Variants in VTCN1 observed in about 807,000 individuals in gnomAD.
VTCN1 encodes V-set domain containing T cell activation inhibitor 1, also known as V-set domain-containing T-cell activation inhibitor 1.
A neutral mutation model predicts 26.5 loss-of-function variants in VTCN1; 26 were observed. The observed-to-expected ratio is 0.98, with a 90% CI of 0.72 to 1.36. VTCN1 has a LOEUF of 1.36. Ranked by LOEUF, VTCN1 falls within the 40% of genes most tolerant of loss-of-function variation. VTCN1 has a pLI of 0.00. For synonymous variants in VTCN1, 116 were observed against 130.7 expected (o/e 0.89, Z 0.77); for missense variants, 298 against 337.7 (o/e 0.88, Z 0.92).
At position 117,144,821 on chromosome 1, in the gene VTCN1, TATAAGATGTGG is replaced by T. The variant is rs1003005229; in HGVS notation, c.*439_*449del. The T allele has an allele frequency of 9.8e-5, 15 of 152,620 alleles. No individual in the cohort carries two copies. Among genetic ancestry groups the T allele is most frequent in the African/African-American group, 3.6e-4 (15 of 41,436 alleles). The allele number at this position is 152,620 out of a possible 1,614,324, so 9.5% of individuals were successfully genotyped here. A position where few individuals can be genotyped will look rare whatever the true frequency, so the allele number is the denominator to read the frequency against. ...ACATACTACAGCTTAATTTGTGGAA[TATAAGATGTGG>T]ATATGTTGGGATAGACTTTCCAGGG... On this transcript the variant is annotated 3_prime_UTR_variant, in exon 6 of 6. Transcript: ENST00000369458.
chr1:117,180,166 A>AG (rs961414953), intron 1 of VTCN1, among the ~76,000 whole-genome samples: 23 of 152,270 alleles, frequency 1.5e-4, no homozygotes, highest in African/African-American at 5.1e-4. Flanking sequence ...GGAAAACTGG[A>AG]GGGGGCATGA....
chr1:117,189,463 C>T (rs1346987632), intron 1 of VTCN1, among the ~76,000 whole-genome samples: 1 of 152,068 alleles, frequency 6.6e-6, no homozygotes, highest in African/African-American at 2.4e-5. Context: ...CCTGTCGTTC[C>T]ACGAAAGGGA....
chr1:117,193,843 TTATC>T (rs1203353259), intron 1 of VTCN1, among the ~76,000 whole-genome samples: 1 of 152,136 alleles, frequency 6.6e-6, no homozygotes, highest in African/African-American at 2.4e-5. Flanking sequence ...AATTGGATCT[TTATC>T]TTACACCACA....
At chr1:117,168,295 G>A (rs1050262383) in intron 2 of VTCN1, among the ~76,000 whole-genome samples, 1 of 152,200 alleles carries the variant, frequency 6.6e-6, no homozygotes, top group Non-Finnish European at 1.5e-5. Flanking sequence ...GACCATGACG[G>A]TACTGAAGGG....
intron 1 of VTCN1, among the ~76,000 whole-genome samples, chr1:117,194,462 G>C (rs1188889638): frequency 1.3e-5 from 2 of 152,100 alleles, no homozygotes; most frequent in Non-Finnish European, 2.9e-5. Flanking sequence ...ACAGTATGAA[G>C]GTTCTTCAAA....
At position 117,161,726 on chromosome 1, in the gene VTCN1, C is replaced by T. The variant is rs192856133; in HGVS notation, c.98-4805G>A. Reference sequence around the variant, plus strand: ...TAAGGGACGTTTGGCAGGATTACCACATCTAAACTTTGGGGAAATGTGATC... The same window carrying T: ...TAAGGGACGTTTGGCAGGATTACCATATCTAAACTTTGGGGAAATGTGATC... On this transcript the variant is annotated intron_variant, in intron 2 of 5. Coordinates refer to ENST00000369458, the MANE Select transcript of VTCN1 (RefSeq NM_024626.4). This position sits in a 1 kb window ranked among gnomAD's most constrained non-coding sequence, Gnocchi z 4.3. Among the ~76,000 whole-genome samples, 1 of 152,314 alleles carries T rather than the reference C, an allele frequency of 6.6e-6. No homozygotes were observed. The highest frequency in any genetic ancestry group is 1.9e-4 in the East Asian group (1 of 5,190).
At chr1:117,210,412 C>T (rs1052887269) in intron 1 of VTCN1, among the ~76,000 whole-genome samples, 3 of 152,172 alleles carry the variant, frequency 2.0e-5, no homozygotes, top group Non-Finnish European at 4.4e-5. Context: ...ATAAAGGGTC[C>T]TCCTGCATCC....
intron 1 of VTCN1, among the ~76,000 whole-genome samples, chr1:117,209,926 C>T (rs757625283): frequency 3.4e-4 from 52 of 152,218 alleles, no homozygotes; most frequent in Admixed American, 9.8e-4. Context: ...CCTTTCCTCT[C>T]TCCTTCCCTC....
intron 2 of VTCN1, among the ~76,000 whole-genome samples, chr1:117,166,246 C>T (rs1652602461): frequency 6.6e-6 from 1 of 152,136 alleles, no homozygotes; most frequent in Non-Finnish European, 1.5e-5. Context: ...CTGACTAACA[C>T]AGGGAAGTTA....
chr1:117,195,449 C>T (rs1356370581), intron 1 of VTCN1, among the ~76,000 whole-genome samples: 1 of 151,960 alleles, frequency 6.6e-6, no homozygotes, highest in African/African-American at 2.4e-5. Flanking sequence ...CAAATCATCA[C>T]ATTGTATGCC....
chr1:117,210,676 G>A (rs1410841754), intron 1 of VTCN1, 148 bp downstream of exon 1: 7 of 819,630 alleles, frequency 8.5e-6, no homozygotes, highest in South Asian at 1.6e-5. Context: ...TTAGGCTCTT[G>A]TCTGGCCAGG....
chr1:117,156,551 ATCTC>A lies in VTCN1; in HGVS notation c.445+19_445+22del, dbSNP rs1557861716. Reference sequence around the variant, plus strand: ...TCAAATACTTTTGGTGCTTTAAAAAATCTCTCTCCAAAAGTAACTCACCTCCAGT... The same window carrying A: ...TCAAATACTTTTGGTGCTTTAAAAAATCTCCAAAAGTAACTCACCTCCAGT... On this transcript the variant is annotated intron_variant, in intron 3 of 5. Coordinates refer to ENST00000369458, the MANE Select transcript of VTCN1 (RefSeq NM_024626.4). 2 of 1,530,736 alleles carry A rather than the reference ATCTC, an allele frequency of 1.3e-6. No homozygotes were observed. Among genetic ancestry groups the A allele is most frequent in the Admixed American group, 4.1e-5 (2 of 48,322 alleles). The allele number at this position is 1,530,736 out of a possible 1,614,324, so 94.8% of individuals were successfully genotyped here. A position where few individuals can be genotyped will look rare whatever the true frequency, so the allele number is the denominator to read the frequency against.
chr1:117,177,193 G>T (rs1647402308), intron 1 of VTCN1, among the ~76,000 whole-genome samples: 1 of 152,158 alleles, frequency 6.6e-6, no homozygotes, highest in Non-Finnish European at 1.5e-5. Flanking sequence ...AAGGGGAAAA[G>T]GAATTATTTT....
chr1:117,153,719 A>G (rs1426319552), intron 3 of VTCN1, among the ~76,000 whole-genome samples: 1 of 152,164 alleles, frequency 6.6e-6, no homozygotes, highest in African/African-American at 2.4e-5. Context: ...GCATTTTCCT[A>G]GGGATCTGTG....
intron 1 of VTCN1, among the ~76,000 whole-genome samples, chr1:117,176,192 C>A (rs1443900619): frequency 1.3e-5 from 2 of 152,214 alleles, no homozygotes; most frequent in Admixed American, 6.5e-5. Flanking sequence ...CCTACAGCAA[C>A]CCCATGAGGT....
intron 1 of VTCN1, among the ~76,000 whole-genome samples, chr1:117,189,731 G>T (rs1395735561): frequency 6.6e-6 from 1 of 152,192 alleles, no homozygotes; most frequent in Non-Finnish European, 1.5e-5. Context: ...GTAGAGTTGG[G>T]TGGTAAATTA....
intron 1 of VTCN1, among the ~76,000 whole-genome samples, chr1:117,187,595 T>C (rs1024509591): frequency 2.0e-5 from 3 of 152,186 alleles, no homozygotes; most frequent in African/African-American, 4.8e-5. Flanking sequence ...TTATACCAGA[T>C]ACATTGCTCT....
At position 117,201,423 on chromosome 1, in the gene VTCN1, C is replaced by G. The variant is rs544831095; in HGVS notation, c.32+9401G>C. ...GTAACTCGGGATTATGGCTTTCTCT[C>G]CAGGGCTCTGTGGGGGAATCCCTCT... On this transcript the variant is annotated intron_variant, in intron 1 of 5. Coordinates refer to ENST00000369458, the MANE Select transcript of VTCN1 (RefSeq NM_024626.4). Among the ~76,000 whole-genome samples the G allele has an allele frequency of 5.3e-5, 8 of 152,290 alleles. No homozygotes were observed. In the South Asian group the frequency reaches 1.7e-3, roughly 32 times the overall value.
rs566140921 is a variant in VTCN1 at position 117,192,729 on chromosome 1, T to A, written c.32+18095A>T. Among the ~76,000 whole-genome samples, 17 of 152,208 alleles carry A rather than the reference T, an allele frequency of 1.1e-4. No individual in the cohort carries two copies. In the South Asian group the frequency reaches 3.1e-3, roughly 28 times the overall value. On this transcript the variant is annotated intron_variant, in intron 1 of 5. Coordinates refer to ENST00000369458, the MANE Select transcript of VTCN1 (RefSeq NM_024626.4). ...TTAAAATAGACTGTTATAGGTATTT[T>A]ACGTAAGCCTCAGGATAACTCAAAA...
Sources: gnomAD v4.1 joint callset for allele counts (sites outside exome capture counted in the v4.1 genomes callset) on GRCh38, gnomAD v4.1.1 for gene constraint, Gnocchi (gnomAD v3.1) non-coding constraint, MANE v1.5 for transcripts, NCBI Gene and HGNC (gene_info 2026-07-23, HGNC 2026-07-21) for gene names.